NUBPL: variants seen among roughly 807,000 people sequenced by gnomAD.
The protein encoded by NUBPL is NUBP iron-sulfur cluster assembly factor, mitochondrial, also known as iron-sulfur cluster transfer protein NUBPL.
A neutral mutation model predicts 45.7 loss-of-function variants in NUBPL; 31 were observed. The ratio of observed to expected loss-of-function variants is 0.68; its 90% CI spans 0.51 to 0.92. NUBPL has a LOEUF of 0.92. Among genes scored for constraint, NUBPL ranks in the 40% least tolerant of loss-of-function variants. The probability of loss-of-function intolerance (pLI) is 0.00; values close to 1 mark genes in which losing one functional copy is unlikely to be tolerated. For missense variants in NUBPL, 401 were observed against 398.7 expected, an observed-to-expected ratio of 1.01 and a Z score of -0.05; for synonymous variants, 144 against 140.9, an observed-to-expected ratio of 1.02 and a Z score of -0.15.
At chr14:31,812,693 G>T (rs949939331) in intron 7 of NUBPL, among the ~76,000 whole-genome samples, 1 of 152,190 alleles carries the variant, frequency 6.6e-6, no homozygotes, top group Non-Finnish European at 1.5e-5. Flanking sequence ...AGTTGGAAAT[G>T]CAGAAATCAC....
At chr14:31,619,572 G>A (rs765885313) in intron 4 of NUBPL, among the ~76,000 whole-genome samples, 5 of 152,136 alleles carry the variant, frequency 3.3e-5, no homozygotes, top group Admixed American at 6.5e-5. Context: ...TGAAATTCTG[G>A]GTTGAAAATT....
rs547091907 is a variant in NUBPL at position 31,833,133 on chromosome 14, C to T, written c.693+6419C>T. Reference sequence around the variant, plus strand: ...CTGTAATCCCAGCACTTTGTGAGGCCGAGGCAGGAGTACTGCTTGAGGCTA... The same window carrying T: ...CTGTAATCCCAGCACTTTGTGAGGCTGAGGCAGGAGTACTGCTTGAGGCTA... On this transcript the variant is annotated intron_variant, in intron 8 of 10. Transcript: ENST00000281081. Among the ~76,000 whole-genome samples, 8 of 152,016 alleles carry T rather than the reference C, an allele frequency of 5.3e-5. No individual in the cohort carries two copies. The East Asian group carries it at 9.7e-4, about 18-fold the overall frequency.
intron 8 of NUBPL, among the ~76,000 whole-genome samples, chr14:31,843,429 A>T (rs1566594498): frequency 6.6e-6 from 1 of 152,264 alleles, no homozygotes; most frequent in Non-Finnish European, 1.5e-5. Context: ...ACACACAAAG[A>T]CAAGTCTATT....
chr14:31,577,204 T>C (rs898990760), intron 3 of NUBPL, among the ~76,000 whole-genome samples: 1 of 152,238 alleles, frequency 6.6e-6, no homozygotes, highest in Admixed American at 6.5e-5. Context: ...TATCAGTCAC[T>C]AAGTGGGTTT....
At chr14:31,689,475 A>G (rs2037043134) in intron 6 of NUBPL, among the ~76,000 whole-genome samples, 1 of 152,118 alleles carries the variant, frequency 6.6e-6, no homozygotes, top group Non-Finnish European at 1.5e-5. Flanking sequence ...TCTTCTTTTG[A>G]TAAGTGTTCA....
chr14:31,739,014 G>A (rs1265511442), intron 6 of NUBPL, among the ~76,000 whole-genome samples: 10 of 147,370 alleles, frequency 6.8e-5, no homozygotes, highest in Non-Finnish European at 1.5e-4. Context: ...TTTTTTATTT[G>A]TTTGTTTGTT....
chr14:31,598,372 G>A (rs549777654), intron 3 of NUBPL, among the ~76,000 whole-genome samples: 1 of 152,228 alleles, frequency 6.6e-6, no homozygotes, highest in Non-Finnish European at 1.5e-5. Context: ...GTTTTATTCT[G>A]TAGGATATGA....
At chr14:31,749,537 G>T (rs551058165) in intron 6 of NUBPL, among the ~76,000 whole-genome samples, 3 of 152,042 alleles carry the variant, frequency 2.0e-5, no homozygotes, top group Non-Finnish European at 4.4e-5. Flanking sequence ...TCTTCTGGTG[G>T]GTGAGCTTTC....
rs976676091 is a variant in NUBPL, at chr14:31,639,180, A to G, written c.383-34175A>G. Among the ~76,000 whole-genome samples the G allele has an allele frequency of 2.6e-5, 4 of 152,110 alleles. No homozygotes were observed. In the South Asian group the frequency reaches 6.2e-4, roughly 24 times the overall value. On this transcript the variant is annotated intron_variant, in intron 4 of 10. Transcript: ENST00000281081. Reference sequence around the variant, plus strand: ...AGGTGCTCTGGTTTTTAGAGTTTCCAGTTTTTCTGCTCCATTTTTTCCCCA... The same window carrying G: ...AGGTGCTCTGGTTTTTAGAGTTTCCGGTTTTTCTGCTCCATTTTTTCCCCA...
chr14:31,734,036 T>C (rs1009812877), intron 6 of NUBPL, among the ~76,000 whole-genome samples: 2 of 152,230 alleles, frequency 1.3e-5, no homozygotes, highest in Non-Finnish European at 2.9e-5. Context: ...CTAGCTTTTC[T>C]CCTTTATTCT....
chr14:31,574,712 T>C (rs1181903977), intron 3 of NUBPL, among the ~76,000 whole-genome samples: 1 of 150,010 alleles, frequency 6.7e-6, no homozygotes, highest in Non-Finnish European at 1.5e-5. Context: ...GCCTCAGCCT[T>C]CCGAGTAGCT....
chr14:31,599,454 C>T (rs1345901079), intron 4 of NUBPL, 75 bp downstream of exon 4: 2 of 1,000,042 alleles, frequency 2.0e-6, no homozygotes, highest in Non-Finnish European at 1.6e-6. Flanking sequence ...AGACATTATG[C>T]TAGATGCAAT....
At chr14:31,716,664 T>C (rs931740080) in intron 6 of NUBPL, among the ~76,000 whole-genome samples, 1 of 152,180 alleles carries the variant, frequency 6.6e-6, no homozygotes. Context: ...CTAGGAACCT[T>C]TTCTGATTTT....
chr14:31,648,718 G>A (rs1354321233), intron 4 of NUBPL, among the ~76,000 whole-genome samples: 2 of 152,200 alleles, frequency 1.3e-5, no homozygotes, highest in African/African-American at 4.8e-5. Flanking sequence ...TGAAATAGTA[G>A]GTTAAACAAG....
At chr14:31,858,082 C>T (rs971613408) in intron 10 of NUBPL, among the ~76,000 whole-genome samples, 4 of 152,182 alleles carry the variant, frequency 2.6e-5, no homozygotes, top group Non-Finnish European at 5.9e-5. Flanking sequence ...GAAGGCATCA[C>T]AATCATGGAA....
intron 7 of NUBPL, among the ~76,000 whole-genome samples, chr14:31,809,372 C>A (rs2039755088): frequency 6.6e-6 from 1 of 152,260 alleles, no homozygotes; most frequent in East Asian, 1.9e-4. Flanking sequence ...GGAATTTATC[C>A]ATTTCTTCTA....
In NUBPL at chr14:31,787,848, A is replaced by T; in HGVS notation, c.582A>T (p.Ser194=). The T allele has an allele frequency of 6.2e-7, 1 of 1,611,498 alleles. No homozygotes were observed. The highest frequency in any genetic ancestry group is 8.5e-7 in the Non-Finnish European group (1 of 1,177,716). Residue 194 remains serine, a synonymous_variant, in exon 7 of 11, where the codon TCA becomes TCT. Transcript: ENST00000281081. ...CAGGAACTGGAGATGTGCAGTTATC[A>T]GTCTCACAGAATATTCCTATAACAG... The part of the protein sequence containing the change: ...MPPGTGDVQL[S]VSQNIPITGA...
intron 6 of NUBPL, among the ~76,000 whole-genome samples, chr14:31,696,363 T>G (rs768469628): frequency 6.6e-6 from 1 of 152,240 alleles, no homozygotes; most frequent in Non-Finnish European, 1.5e-5. Context: ...TGCACTGTTC[T>G]GGATGCTAGC....
chr14:31,700,730 C>CGGCCTGCCTGCACTGCA (rs2037314742), intron 6 of NUBPL, among the ~76,000 whole-genome samples: 1 of 152,126 alleles, frequency 6.6e-6, no homozygotes, highest in Non-Finnish European at 1.5e-5. Flanking sequence ...CCAGCACTGC[C>CGGCCTGCCTGCACTGCA]GGCCTGCCTG....
Sources: allele counts gnomAD v4.1 joint callset (sites outside exome capture counted in the v4.1 genomes callset), GRCh38; gene constraint gnomAD v4.1.1; transcripts MANE v1.5; gene names NCBI Gene and HGNC (gene_info 2026-07-23, HGNC 2026-07-21).